DENND2A: variants seen among roughly 807,000 people sequenced by gnomAD.
DENND2A encodes DENN domain-containing protein 2A.
DENND2A carries 53 observed loss-of-function variants against 105.3 expected under a neutral mutation model. That is an observed-to-expected ratio of 0.50 (90% CI 0.40 to 0.63). DENND2A has a LOEUF of 0.63. DENND2A is among the 30% of genes least tolerant of loss of function. The probability of loss-of-function intolerance (pLI) is 0.00; values close to 1 mark genes in which losing one functional copy is unlikely to be tolerated. For synonymous variants in DENND2A, 522 were observed against 508.4 expected (o/e 1.03, Z -0.36); for missense variants, 1,138 against 1,279.6 (o/e 0.89, Z 1.69).
intron 14 of DENND2A, among the ~76,000 whole-genome samples, chr7:140,533,068 T>C (rs1475723595): frequency 6.8e-6 from 1 of 148,016 alleles, no homozygotes; most frequent in Non-Finnish European, 1.5e-5. Flanking sequence ...CTCTGCCCAT[T>C]GCAACCTCTG....
chr7:140,635,263 AAAAT>A (rs1466820303), intron 1 of DENND2A, among the ~76,000 whole-genome samples: 1 of 152,212 alleles, frequency 6.6e-6, no homozygotes, highest in African/African-American at 2.4e-5. Flanking sequence ...ACGCTGTCTA[AAAAT>A]AAATAATAAT....
Position 140,585,575 on chromosome 7 carries a change from C to A in DENND2A, c.1245+14G>T, listed in dbSNP as rs1253031564. 1 of 1,613,966 alleles carries A rather than the reference C, an allele frequency of 6.2e-7. No individual in the cohort carries two copies. The highest frequency in any genetic ancestry group is 1.1e-5 in the South Asian group (1 of 91,062). ...TGGCCCCCTCTCCTGCCACCATTCC[C>A]AGGGGACTCATACCTTGGTGAGTGT... On this transcript the variant is annotated intron_variant, in intron 5 of 19. Coordinates refer to ENST00000496613, the MANE Select transcript of DENND2A (RefSeq NM_015689.5).
intron 1 of DENND2A, among the ~76,000 whole-genome samples, chr7:140,636,872 T>G (rs1419785472): frequency 6.6e-6 from 1 of 152,030 alleles, no homozygotes; most frequent in Admixed American, 6.6e-5. Context: ...TTTATTTATT[T>G]ATTTTTGAGA....
chr7:140,524,773 G>A (rs1034194182), intron 16 of DENND2A, among the ~76,000 whole-genome samples: 10 of 151,552 alleles, frequency 6.6e-5, no homozygotes, highest in African/African-American at 2.4e-4. Context: ...AGACACAAGG[G>A]TCTCACCATG....
rs200895236 is a variant in DENND2A, at chr7:140,523,965, G to GA, written c.2548-542dup. On this transcript the variant is annotated intron_variant, in intron 16 of 19. Transcript: ENST00000496613. The surrounding 1 kb of genome is among the most constrained non-coding windows in gnomAD (Gnocchi z 4.5). ...TGTACCTTGTTGTGAAGCTACAATG[G>GA]ACTACAATTACCCTGTGAAAGGGCT... Among the ~76,000 whole-genome samples, 45 of 152,262 alleles carry GA rather than the reference G, an allele frequency of 3.0e-4. No individual in the cohort carries two copies. In the East Asian group the frequency reaches 8.3e-3, roughly 28 times the overall value.
Position 140,527,008 on chromosome 7 carries a change from A to C in DENND2A, c.2505+310T>G, listed in dbSNP as rs561020847. ...AATGTGGGGGAGTGGGCGAGAGGGC[A>C]GGGGAGAGGAGAGGGCTATTAATGA... is the stretch of plus-strand genomic sequence containing the variant. On this transcript the variant is annotated intron_variant, in intron 15 of 19. Coordinates refer to ENST00000496613, the MANE Select transcript of DENND2A (RefSeq NM_015689.5). The surrounding 1 kb of genome is among the most constrained non-coding windows in gnomAD (Gnocchi z 4.9). 1.2e-3 allele frequency among the ~76,000 whole-genome samples: 176 copies of C among 152,292 alleles called. No individual in the cohort carries two copies. The highest frequency in any genetic ancestry group is 4.0e-3 in the African/African-American group (167 of 41,568).
At chr7:140,590,358 C>G (rs1246822514) in intron 3 of DENND2A, among the ~76,000 whole-genome samples, 1 of 151,980 alleles carries the variant, frequency 6.6e-6, no homozygotes, top group Non-Finnish European at 1.5e-5. Flanking sequence ...CCACTGCACT[C>G]TAGCCTGGGC....
intron 3 of DENND2A, among the ~76,000 whole-genome samples, chr7:140,591,036 A>T (rs1321448489): frequency 1.3e-5 from 2 of 151,260 alleles, no homozygotes; most frequent in Non-Finnish European, 3.0e-5. Flanking sequence ...AGTAGCTCAC[A>T]CCTATAATCC....
At chr7:140,547,356 T>C (rs1796950064) in intron 12 of DENND2A, among the ~76,000 whole-genome samples, 1 of 152,188 alleles carries the variant, frequency 6.6e-6, no homozygotes, top group African/African-American at 2.4e-5. Flanking sequence ...TAAACAGATA[T>C]ACAGTTTATT....
chr7:140,570,184 C>T (rs978147969), intron 6 of DENND2A, among the ~76,000 whole-genome samples: 9 of 152,140 alleles, frequency 5.9e-5, no homozygotes, highest in Non-Finnish European at 7.4e-5. Flanking sequence ...CGCGAGCCAC[C>T]GCACCCAGCC....
chr7:140,587,375 C>T (rs77936717), intron 4 of DENND2A, among the ~76,000 whole-genome samples: 4,188 of 152,242 alleles, frequency 0.028, 76 homozygotes, highest in Middle Eastern at 0.048. Flanking sequence ...CTTCAGACTC[C>T]AGGCCCCACG....
intron 2 of DENND2A, among the ~76,000 whole-genome samples, chr7:140,604,193 A>G (rs928307033): frequency 6.6e-6 from 1 of 152,268 alleles, no homozygotes; most frequent in African/African-American, 2.4e-5. Context: ...TGAGGGATGA[A>G]TAAGTAGCAA....
chr7:140,523,183 C>G lies in DENND2A; in HGVS notation c.2665+124G>C. On this transcript the variant is annotated intron_variant, in intron 17 of 19. Coordinates refer to ENST00000496613, the MANE Select transcript of DENND2A (RefSeq NM_015689.5). This position sits in a 1 kb window ranked among gnomAD's most constrained non-coding sequence, Gnocchi z 4.5. The stretch of plus-strand genomic sequence containing the variant: ...TGAAATCCAGATAAACAGAATGAGG[C>G]CCTGGTTTCTCTCCTTATGTCTCCC... 1 of 825,174 alleles carries G rather than the reference C, an allele frequency of 1.2e-6. No individual in the cohort carries two copies. The highest frequency in any genetic ancestry group is 1.6e-5 in the South Asian group (1 of 62,830). 51.1% of individuals were successfully genotyped at this position (825,174 alleles called of 1,614,324 possible).
intron 12 of DENND2A, among the ~76,000 whole-genome samples, chr7:140,553,359 G>A (rs887241790): frequency 6.6e-6 from 1 of 152,192 alleles, no homozygotes; most frequent in Admixed American, 6.5e-5. Flanking sequence ...TCCACCTCCA[G>A]CCCTAAGGCG....
intron 1 of DENND2A, among the ~76,000 whole-genome samples, chr7:140,611,145 A>C (rs1424331828): frequency 6.6e-6 from 1 of 152,152 alleles, no homozygotes; most frequent in Non-Finnish European, 1.5e-5. Context: ...CCCAGGTTCA[A>C]GCGATTCTGC....
intron 9 of DENND2A, among the ~76,000 whole-genome samples, chr7:140,562,296 C>G (rs1797648298): frequency 6.6e-6 from 1 of 152,114 alleles, no homozygotes; most frequent in African/African-American, 2.4e-5. Context: ...CACCATGTGT[C>G]AGAGAGAGGA....
intron 14 of DENND2A, among the ~76,000 whole-genome samples, chr7:140,534,306 A>G (rs1203520765): frequency 6.6e-6 from 1 of 151,280 alleles, no homozygotes; most frequent in Non-Finnish European, 1.5e-5. Context: ...GCTTATCTCT[A>G]ACTCTTGACC....
Position 140,571,991 on chromosome 7 carries a change from TC to T in DENND2A, c.1446+1816del, listed in dbSNP as rs1798111236. Among the ~76,000 whole-genome samples the T allele has an allele frequency of 5.9e-5, 9 of 151,918 alleles. 1 individual carries two copies. Among genetic ancestry groups the T allele is most frequent in the African/African-American group, 2.2e-4 (9 of 41,420 alleles). ...ACTTCAGCAGAACCATCTCTCTCTC[TC>T]TCTCTCTCTCTGTCTCTCTTTTATT... is the stretch of plus-strand genomic sequence containing the variant. On this transcript the variant is annotated intron_variant, in intron 6 of 19. Coordinates refer to ENST00000496613, the MANE Select transcript of DENND2A (RefSeq NM_015689.5).
intron 18 of DENND2A, among the ~76,000 whole-genome samples, chr7:140,520,305 G>A (rs7803826): frequency 0.041 from 6,048 of 147,286 alleles, 408 homozygotes; most frequent in African/African-American, 0.14. Flanking sequence ...AAACTCCGTC[G>A]CAAAAAAAAA....
Sources: allele counts gnomAD v4.1 joint callset (sites outside exome capture counted in the v4.1 genomes callset), GRCh38; gene constraint gnomAD v4.1.1; non-coding constraint Gnocchi (gnomAD v3.1); transcripts MANE v1.5; gene names NCBI Gene and HGNC (gene_info 2026-07-23, HGNC 2026-07-21).